The following ZNF462 variants were observed in gnomAD, a reference collection of about 807,000 sequenced individuals.
ZNF462 encodes zinc finger PBX1-interacting protein.
ZNF462 carries 10 observed loss-of-function variants against 201.9 expected under a neutral mutation model. The ratio of observed to expected loss-of-function variants is 0.05; its 90% confidence interval spans 0.03 to 0.08. The LOEUF is 0.08. Among genes scored for constraint, ZNF462 ranks in the 10% least tolerant of loss-of-function variants. The pLI is 1.00. For missense variants in ZNF462, 2,523 were observed against 3,168.3 expected (o/e 0.80, Z 4.89); for synonymous variants, 1,227 against 1,193.3 (o/e 1.03, Z -0.58).
rs1315118552 is a variant in ZNF462 at position 106,886,517 on chromosome 9, A to G, written c.-31+23162A>G. Among the ~76,000 whole-genome samples the G allele has an allele frequency of 6.6e-6, 1 of 152,166 alleles. No individual in the cohort carries two copies. The highest frequency in any genetic ancestry group is 1.9e-4 in the East Asian group (1 of 5,200). Reference sequence around the variant, plus strand: ...AGCACATTTGAAATCCACATCCTCAAATATACAACAATGTCAGCTACAAAA... The same window carrying G: ...AGCACATTTGAAATCCACATCCTCAGATATACAACAATGTCAGCTACAAAA... On this transcript the variant is annotated intron_variant, in intron 1 of 12. Coordinates refer to ENST00000277225, the MANE Select transcript of ZNF462 (RefSeq NM_021224.6). This position sits in a 1 kb window ranked among gnomAD's most constrained non-coding sequence, Gnocchi z 4.6.
chr9:106,899,373 C>T (rs1015333171), intron 1 of ZNF462, among the ~76,000 whole-genome samples: 4 of 151,994 alleles, frequency 2.6e-5, no homozygotes, highest in African/African-American at 7.3e-5. Context: ...CAGACCATCT[C>T]GCAGATGAGG....
rs1830166976 is a variant in ZNF462, at chr9:106,925,708, C to T, written c.1796C>T (p.Pro599Leu). The T allele has an allele frequency of 1.2e-6, 2 of 1,614,076 alleles. No homozygotes were observed. The highest frequency in any genetic ancestry group is 1.3e-5 in the African/African-American group (1 of 74,920). Residue 599 changes from proline to leucine, a missense_variant, in exon 3 of 13, where the codon CCA becomes CTA. Physicochemically the swap from Pro to Leu is moderately conservative, Grantham distance 98 (BLOSUM62 -3). Coordinates refer to ENST00000277225, the MANE Select transcript of ZNF462 (RefSeq NM_021224.6). This position sits in a 1 kb window ranked among gnomAD's most constrained non-coding sequence, Gnocchi z 7.9. The part of the protein sequence containing the change: ...QPPTQAAPLH[P>L]YKCTMCNYST... ...CCCACACAAGCCGCACCTCTGCACC[C>T]ATACAAATGCACCATGTGTAATTAC...
chr9:106,908,794 T>C (rs905037806), intron 1 of ZNF462, among the ~76,000 whole-genome samples: 9 of 150,002 alleles, frequency 6.0e-5, no homozygotes, highest in African/African-American at 2.2e-4. Context: ...TTTATTTTTA[T>C]TACTGATTAA....
At chr9:106,980,644 T>C (rs1388213156) in intron 9 of ZNF462, among the ~76,000 whole-genome samples, 2 of 152,194 alleles carry the variant, frequency 1.3e-5, no homozygotes, top group Non-Finnish European at 2.9e-5. Flanking sequence ...AATGTGACAT[T>C]ACTCTCGGGC....
In ZNF462 at chr9:106,925,755, C is replaced by T; in HGVS notation, c.1843C>T (p.Leu615=). The change falls in exon 3 of 13, where the codon CTA becomes TTA. Residue 615 remains leucine, a synonymous_variant. Coordinates refer to ENST00000277225, the MANE Select transcript of ZNF462 (RefSeq NM_021224.6). The surrounding 1 kb of genome is among the most constrained non-coding windows in gnomAD (Gnocchi z 7.9). ...TTACTCCACCACAACTCTGAAAGGG[C>T]TAAGAGTCCATCAGCAGCATAAACA... is the stretch of plus-strand genomic sequence containing the variant. ...CNYSTTTLKG[L]RVHQQHKHSF... The T allele has an allele frequency of 1.9e-6, 3 of 1,614,224 alleles. No homozygotes were observed. Among genetic ancestry groups the T allele is most frequent in the Non-Finnish European group, 1.7e-6 (2 of 1,180,048 alleles).
In ZNF462 at chr9:106,924,342, G is replaced by C. The variant is rs778804247; in HGVS notation, c.430G>C (p.Val144Leu). ...TGAAGGGAGTTCATCAGGACCCCCT[G>C]TCCCGGGATCCTTAAATTATAATAT... Reference protein sequence around the residue: ...QAEGSSSGPPVPGSLNYNIMM... With the variant: ...QAEGSSSGPPLPGSLNYNIMM... The change falls in exon 3 of 13, where the codon GTC becomes CTC. Residue 144 changes from valine (V) to leucine (L), a missense_variant. This residue lies in a region of ZNF462 where 480 missense variants were observed against 544.4 expected (regional missense o/e 0.88). Transcript: ENST00000277225. The surrounding 1 kb of genome is among the most constrained non-coding windows in gnomAD (Gnocchi z 6.2). 1.9e-6 allele frequency: 3 copies of C among 1,614,138 alleles called. No homozygotes were observed. In the South Asian group the frequency reaches 3.3e-5, roughly 18 times the overall value.
chr9:106,873,535 G>A (rs1048423423), intron 1 of ZNF462, among the ~76,000 whole-genome samples: 2 of 152,070 alleles, frequency 1.3e-5, no homozygotes, highest in African/African-American at 4.8e-5. Context: ...CAAAAGCTAC[G>A]CAGATGTTTG....
At chr9:106,969,722 A>C (rs952967454) in intron 7 of ZNF462, among the ~76,000 whole-genome samples, 5 of 152,176 alleles carry the variant, frequency 3.3e-5, no homozygotes, top group Non-Finnish European at 7.3e-5. Context: ...TTTAAGACCT[A>C]GACCATCACT....
rs754519780 is a variant in ZNF462 at position 106,902,521 on chromosome 9, C to A, written c.-30-20833C>A. On this transcript the variant is annotated intron_variant, in intron 1 of 12. Transcript: ENST00000277225. This position sits in a 1 kb window ranked among gnomAD's most constrained non-coding sequence, Gnocchi z 4.2. ...GGTACAAATTCTTTTTTGAATGTCT[C>A]GTAGAATTCTGCTGTGAATCCATCT... Among the ~76,000 whole-genome samples, 2 of 151,920 alleles carry A rather than the reference C, an allele frequency of 1.3e-5. No homozygotes were observed. The highest frequency in any genetic ancestry group is 4.8e-5 in the African/African-American group (2 of 41,388).
At chr9:106,863,630 G>A (rs1187403476) in intron 1 of ZNF462, among the ~76,000 whole-genome samples, 1 of 151,914 alleles carries the variant, frequency 6.6e-6, no homozygotes. Flanking sequence ...AGGAGGAGAA[G>A]GTGGTAGTGG....
rs925164088 is a variant in ZNF462, at chr9:106,968,640, T to C, written c.6428-3365T>C. On this transcript the variant is annotated intron_variant, in intron 7 of 12. Transcript: ENST00000277225. The surrounding 1 kb of genome is among the most constrained non-coding windows in gnomAD (Gnocchi z 4.0). ...CCTTAGTCTTTGCTGTTGGTTCCAT[T>C]GTAGATACCACTGGCCATACAGGTG... 1.3e-5 allele frequency among the ~76,000 whole-genome samples: 2 copies of C among 152,092 alleles called. No individual in the cohort carries two copies. Among genetic ancestry groups the C allele is most frequent in the Admixed American group, 6.5e-5 (1 of 15,268 alleles).
chr9:106,999,389 A>G (rs1439124715), intron 10 of ZNF462, among the ~76,000 whole-genome samples: 2 of 152,190 alleles, frequency 1.3e-5, no homozygotes, highest in Non-Finnish European at 2.9e-5. Context: ...AATTTAGCCT[A>G]TAAAATTAAA....
At chr9:107,000,438 C>T (rs1175990057) in intron 10 of ZNF462, among the ~76,000 whole-genome samples, 1 of 151,936 alleles carries the variant, frequency 6.6e-6, no homozygotes, top group Non-Finnish European at 1.5e-5. Context: ...TGGCAGTAAT[C>T]CAGGTAAAAG....
chr9:106,974,845 C>T lies in ZNF462; in HGVS notation c.6832+572C>T, dbSNP rs1366701316. Reference sequence around the variant, plus strand: ...GGATTTAAATTCTGGTTTTAGAGCCCACTGTGTTTAACCTCTCCATCCATT... The same window carrying T: ...GGATTTAAATTCTGGTTTTAGAGCCTACTGTGTTTAACCTCTCCATCCATT... On this transcript the variant is annotated intron_variant, in intron 9 of 12. Transcript: ENST00000277225. This position sits in a 1 kb window ranked among gnomAD's most constrained non-coding sequence, Gnocchi z 4.0. The T allele has an allele frequency of 6.4e-6, 1 of 155,276 alleles. No individual in the cohort carries two copies. The highest frequency in any genetic ancestry group is 1.4e-5 in the Non-Finnish European group (1 of 69,744). The allele number at this position is 155,276 out of a possible 1,614,324, so 9.6% of individuals were successfully genotyped here.
Position 106,926,426 on chromosome 9 carries a change from C to G in ZNF462, c.2514C>G (p.Asp838Glu). 6.2e-7 allele frequency: 1 copy of G among 1,614,178 alleles called. No individual in the cohort carries two copies. The highest frequency in any genetic ancestry group is 8.5e-7 in the Non-Finnish European group (1 of 1,180,030). Residue 838 changes from aspartate to glutamate, a missense_variant, in exon 3 of 13, where the codon GAC becomes GAG. By Grantham distance (45) the Asp-to-Glu change is conservative. Coordinates refer to ENST00000277225, the MANE Select transcript of ZNF462 (RefSeq NM_021224.6). The surrounding 1 kb of genome is among the most constrained non-coding windows in gnomAD (Gnocchi z 7.9). ...ATAGTGAAAACACAGACTTTGGTGA[C>G]TCTGGAAGGCTTTACTATTGTAAAC... ...EHNSENTDFG[D>E]SGRLYYCKHC...
intron 1 of ZNF462, among the ~76,000 whole-genome samples, chr9:106,909,102 A>G (rs572213276): frequency 9.7e-4 from 146 of 150,606 alleles, no homozygotes; most frequent in African/African-American, 3.4e-3. Context: ...AGCTGGGATT[A>G]TAGGCACATG....
At chr9:106,948,105 C>T (rs540824681) in intron 7 of ZNF462, among the ~76,000 whole-genome samples, 3 of 152,096 alleles carry the variant, frequency 2.0e-5, no homozygotes, top group South Asian at 2.1e-4. Flanking sequence ...TGGATGTATG[C>T]AGGTGGATGG....
rs753765001 is a variant in ZNF462, at chr9:106,890,799, T to TCAA, written c.-31+27445_-31+27447dup. Among the ~76,000 whole-genome samples the TCAA allele has an allele frequency of 5.9e-5, 9 of 152,180 alleles. No homozygotes were observed. The highest frequency in any genetic ancestry group is 1.3e-4 in the Non-Finnish European group (9 of 68,030). ...GGGAGTGCATAGTAGACTATGTTGT[T>TCAA]CAATTATCATGAGATTACCACATAC... On this transcript the variant is annotated intron_variant, in intron 1 of 12. Transcript: ENST00000277225. The surrounding 1 kb of genome is among the most constrained non-coding windows in gnomAD (Gnocchi z 4.2).
chr9:106,954,276 G>A lies in ZNF462; in HGVS notation c.6427+15169G>A, dbSNP rs1002392276. Among the ~76,000 whole-genome samples, 5 of 152,098 alleles carry A rather than the reference G, an allele frequency of 3.3e-5. No homozygotes were observed. The highest frequency in any genetic ancestry group is 1.9e-4 in the East Asian group (1 of 5,196). On this transcript the variant is annotated intron_variant, in intron 7 of 12. Coordinates refer to ENST00000277225, the MANE Select transcript of ZNF462 (RefSeq NM_021224.6). The surrounding 1 kb of genome is among the most constrained non-coding windows in gnomAD (Gnocchi z 4.0). ...AAGGTGGAAGGCAAAGGGGGAGCAA[G>A]GCACATCTTATATGGTGGCAGGAGA...
Sources: gnomAD v4.1 joint callset for allele counts (sites outside exome capture counted in the v4.1 genomes callset) on GRCh38, gnomAD v4.1.1 for gene constraint, gnomAD v4.1.1 regional missense constraint, Gnocchi (gnomAD v3.1) non-coding constraint, MANE v1.5 for transcripts, NCBI Gene and HGNC (gene_info 2026-07-23, HGNC 2026-07-21) for gene names.